BRINP3: variants seen among roughly 807,000 people sequenced by gnomAD.
BRINP3 encodes the protein BMP/retinoic acid inducible neural specific 3.
A neutral mutation model predicts 71.0 loss-of-function variants in BRINP3; 19 were observed. The observed-to-expected ratio is 0.27, with a 90% confidence interval of 0.19 to 0.39. The LOEUF (loss-of-function observed/expected upper bound fraction) is 0.39, where lower values mean the gene tolerates loss of function less well. Among genes scored for constraint, BRINP3 ranks in the 10% least tolerant of loss-of-function variants. BRINP3 has a pLI of 1.00. For missense variants in BRINP3, 959 were observed against 940.8 expected, an observed-to-expected ratio of 1.02 and a Z score of -0.25; for synonymous variants, 380 against 337.7, an observed-to-expected ratio of 1.13 and a Z score of -1.37.
At chr1:190,290,758 TCC>T (rs1189799311) in intron 2 of BRINP3, among the ~76,000 whole-genome samples, 1 of 152,122 alleles carries the variant, frequency 6.6e-6, no homozygotes, top group Non-Finnish European at 1.5e-5. Flanking sequence ...AAATAAATTC[TCC>T]GAGGCTGTAT....
intron 2 of BRINP3, among the ~76,000 whole-genome samples, chr1:190,355,551 T>C (rs902611991): frequency 5.3e-5 from 8 of 151,962 alleles, no homozygotes; most frequent in Non-Finnish European, 1.2e-4. Flanking sequence ...CCCCGAAATA[T>C]AGATCTTAAT....
chr1:190,362,563 G>T lies in BRINP3; in HGVS notation c.237-80813C>A, dbSNP rs1270508593. Among the ~76,000 whole-genome samples, 5 of 152,116 alleles carry T rather than the reference G, an allele frequency of 3.3e-5. No homozygotes were observed. The South Asian group carries it at 1.0e-3, about 31-fold the overall frequency. On this transcript the variant is annotated intron_variant, in intron 2 of 7. Transcript: ENST00000367462. ...AAAATTCTAAGATGGCCTCTAATGT[G>T]GTTTGGCTGGGTCCCCACTCAAATC...
intron 7 of BRINP3, among the ~76,000 whole-genome samples, chr1:190,127,015 C>G (rs561203847): frequency 6.6e-6 from 1 of 151,874 alleles, no homozygotes; most frequent in East Asian, 1.9e-4. Context: ...TGATCACAAA[C>G]AGTATTTATT....
chr1:190,218,763 A>C (rs1412401405), intron 6 of BRINP3, among the ~76,000 whole-genome samples: 7 of 151,894 alleles, frequency 4.6e-5, no homozygotes, highest in Non-Finnish European at 2.9e-5. Flanking sequence ...TCTATTCACC[A>C]ATGTCTGCTT....
At chr1:190,175,091 A>C (rs1200613289) in intron 6 of BRINP3, among the ~76,000 whole-genome samples, 1 of 152,154 alleles carries the variant, frequency 6.6e-6, no homozygotes, top group Non-Finnish European at 1.5e-5. Context: ...GTGTATAAGA[A>C]AAGTGTTCCA....
chr1:190,263,713 C>CGGG (rs1661399703), intron 4 of BRINP3, among the ~76,000 whole-genome samples: 2 of 151,758 alleles, frequency 1.3e-5, no homozygotes, highest in Non-Finnish European at 2.9e-5. Flanking sequence ...CCTCAGCCTC[C>CGGG]CAGTAGCTGG....
chr1:190,154,514 T>G (rs1354471985), intron 7 of BRINP3, among the ~76,000 whole-genome samples: 1 of 152,174 alleles, frequency 6.6e-6, no homozygotes, highest in African/African-American at 2.4e-5. Flanking sequence ...CTGACAGTTC[T>G]AAAGCAATGG....
At chr1:190,452,744 C>T (rs181080868) in intron 2 of BRINP3, among the ~76,000 whole-genome samples, 4 of 152,222 alleles carry the variant, frequency 2.6e-5, no homozygotes. Context: ...TTAATCTAAG[C>T]TACTTGGGAG....
At chr1:190,461,997 T>A (rs1236462320) in intron 1 of BRINP3, among the ~76,000 whole-genome samples, 1 of 152,054 alleles carries the variant, frequency 6.6e-6, no homozygotes, top group African/African-American at 2.4e-5. Flanking sequence ...CGCTGCAACC[T>A]CCTCCTCCCA....
intron 6 of BRINP3, among the ~76,000 whole-genome samples, chr1:190,200,041 T>G (rs764267535): frequency 1.3e-5 from 2 of 152,146 alleles, no homozygotes; most frequent in Non-Finnish European, 2.9e-5. Flanking sequence ...CTAGATGTAG[T>G]TCAAGTGTTG....
intron 1 of BRINP3, among the ~76,000 whole-genome samples, chr1:190,476,611 G>A (rs1157082647): frequency 6.6e-6 from 1 of 152,168 alleles, no homozygotes; most frequent in South Asian, 2.1e-4. Flanking sequence ...CAAGGGTTGG[G>A]GGCAGACAAG....
At chr1:190,166,431 T>A (rs1651545820) in intron 6 of BRINP3, among the ~76,000 whole-genome samples, 1 of 152,200 alleles carries the variant, frequency 6.6e-6, no homozygotes, top group African/African-American at 2.4e-5. Flanking sequence ...CCCATTCATC[T>A]GTTTGAGAAA....
At chr1:190,458,170 C>T (rs1331112942) in intron 1 of BRINP3, among the ~76,000 whole-genome samples, 4 of 151,964 alleles carry the variant, frequency 2.6e-5, no homozygotes, top group Non-Finnish European at 2.9e-5. Context: ...ACTTTGGGAA[C>T]ATGTTCCCCA....
chr1:190,176,068 T>C (rs960466769), intron 6 of BRINP3, among the ~76,000 whole-genome samples: 1 of 152,168 alleles, frequency 6.6e-6, no homozygotes, highest in Non-Finnish European at 1.5e-5. Context: ...CCTTTATTTT[T>C]CAGAACTTAA....
intron 4 of BRINP3, among the ~76,000 whole-genome samples, chr1:190,251,368 G>A (rs988435848): frequency 5.9e-5 from 9 of 151,930 alleles, no homozygotes; most frequent in Non-Finnish European, 4.4e-5. Context: ...TATGATGTAA[G>A]TGCTATTATT....
At chr1:190,364,712 C>G (rs1669373543) in intron 2 of BRINP3, among the ~76,000 whole-genome samples, 1 of 151,976 alleles carries the variant, frequency 6.6e-6, no homozygotes, top group South Asian at 2.1e-4. Context: ...TAATCTTAAA[C>G]AAATTTCAAT....
At chr1:190,146,651 A>G (rs1655915070) in intron 7 of BRINP3, among the ~76,000 whole-genome samples, 1 of 152,140 alleles carries the variant, frequency 6.6e-6, no homozygotes, top group South Asian at 2.1e-4. Context: ...AAGTCAAAAG[A>G]GATTAAGCAA....
chr1:190,216,328 AT>A (rs1194057384), intron 6 of BRINP3, among the ~76,000 whole-genome samples: 5 of 151,250 alleles, frequency 3.3e-5, no homozygotes, highest in Admixed American at 2.6e-4. Flanking sequence ...TGTGTGTTTC[AT>A]TTTTTCTCCC....
rs571314140 is a variant in BRINP3, at chr1:190,265,005, C to T, written c.478G>A (p.Ala160Thr). The change falls in exon 4 of 8, where the codon GCT becomes ACT. Residue 160 changes from alanine to threonine, a missense_variant. Coordinates refer to ENST00000367462, the MANE Select transcript of BRINP3 (RefSeq NM_199051.3). The stretch of plus-strand genomic sequence containing the variant: ...TTGGTGGTGGAATCACTTCCTTCAG[C>T]TCGTTTGCTCAACTTCCGCTTGTCC... ...FVDKRKLSKR[A>T]EGSDSTTNSS... 4 of 1,611,024 alleles carry T rather than the reference C, an allele frequency of 2.5e-6. No homozygotes were observed. In the East Asian group the frequency reaches 6.7e-5, roughly 27 times the overall value.
Sources: allele counts gnomAD v4.1 joint callset (sites outside exome capture counted in the v4.1 genomes callset), GRCh38; gene constraint gnomAD v4.1.1; transcripts MANE v1.5; gene names NCBI Gene and HGNC (gene_info 2026-07-23, HGNC 2026-07-21).